The following DPF3 variants were observed in gnomAD, a reference collection of about 807,000 sequenced individuals.
DPF3 encodes zinc finger protein DPF3.
In DPF3, 18 loss-of-function variants were observed where a neutral mutation model predicts 56.8. The ratio of observed to expected loss-of-function variants is 0.32; its 90% CI spans 0.22 to 0.47. The LOEUF (loss-of-function observed/expected upper bound fraction) is 0.47, where lower values mean the gene tolerates loss of function less well. Ranked by LOEUF, DPF3 falls within the 20% of genes least tolerant of loss-of-function variation. The pLI is 1.00. For missense variants in DPF3, 403 were observed against 488.8 expected, an observed-to-expected ratio of 0.82 and a Z score of 1.65; for synonymous variants, 188 against 180.2, an observed-to-expected ratio of 1.04 and a Z score of -0.35.
chr14:72,826,739 G>C (rs1883818630), intron 1 of DPF3, among the ~76,000 whole-genome samples: 2 of 152,052 alleles, frequency 1.3e-5, no homozygotes, highest in Non-Finnish European at 2.9e-5. Flanking sequence ...GGTGGTACTG[G>C]GAACAAGACA....
chr14:72,713,848 C>T lies in DPF3; in HGVS notation c.604+575G>A, dbSNP rs146686523. ...GCACGCCCTAAACTCAGGAGCCAGCCAGGCAGTCGCTTGTCCAAAAGATGT... is the reference window on the plus strand; with the variant it reads ...GCACGCCCTAAACTCAGGAGCCAGCTAGGCAGTCGCTTGTCCAAAAGATGT... On this transcript the variant is annotated intron_variant, in intron 6 of 10. Coordinates refer to ENST00000556509, the MANE Select transcript of DPF3 (RefSeq NM_001280542.3). Among the ~76,000 whole-genome samples, 226 of 152,312 alleles carry T rather than the reference C, an allele frequency of 1.5e-3. 1 individual carries two copies. The highest frequency in any genetic ancestry group is 5.3e-3 in the African/African-American group (219 of 41,566).
chr14:72,839,090 T>C (rs1884443399), intron 1 of DPF3, among the ~76,000 whole-genome samples: 1 of 151,232 alleles, frequency 6.6e-6, no homozygotes, highest in Admixed American at 6.6e-5. Context: ...CCAGCTAATT[T>C]TTGTATTTTT....
intron 1 of DPF3, among the ~76,000 whole-genome samples, chr14:72,887,814 A>T (rs1886606419): frequency 1.3e-5 from 2 of 152,170 alleles, no homozygotes; most frequent in African/African-American, 4.8e-5. Context: ...GGCTACAAAA[A>T]ATCAGCCACT....
chr14:72,853,996 A>G (rs1885084123), intron 1 of DPF3, among the ~76,000 whole-genome samples: 1 of 152,148 alleles, frequency 6.6e-6, no homozygotes, highest in Non-Finnish European at 1.5e-5. Flanking sequence ...CTTGAGAAAC[A>G]CCAGAAAGTC....
chr14:72,885,977 G>A (rs1298975486), intron 1 of DPF3, among the ~76,000 whole-genome samples: 2 of 152,188 alleles, frequency 1.3e-5, no homozygotes, highest in African/African-American at 4.8e-5. Flanking sequence ...CCCTGATATG[G>A]GGTGCTAAGA....
At chr14:72,691,986 C>A (rs547115634) in intron 7 of DPF3, among the ~76,000 whole-genome samples, 1 of 152,046 alleles carries the variant, frequency 6.6e-6, no homozygotes, top group Non-Finnish European at 1.5e-5. Context: ...GGCAATATTA[C>A]GAGGGGAAAG....
At chr14:72,678,519 A>G (rs1449496707) in intron 7 of DPF3, among the ~76,000 whole-genome samples, 2 of 152,252 alleles carry the variant, frequency 1.3e-5, no homozygotes, top group East Asian at 3.8e-4. Flanking sequence ...TTTTTTAAGT[A>G]AAGCTCACAT....
At chr14:72,635,289 G>A (rs562050741) in intron 8 of DPF3, among the ~76,000 whole-genome samples, 30 of 152,298 alleles carry the variant, frequency 2.0e-4, no homozygotes, top group South Asian at 1.0e-3. Context: ...GGGAGTACCC[G>A]GTGTTTCTGA....
chr14:72,651,782 T>C (rs1460505172), intron 8 of DPF3, among the ~76,000 whole-genome samples: 3 of 152,136 alleles, frequency 2.0e-5, no homozygotes, highest in Non-Finnish European at 2.9e-5. Flanking sequence ...CTCCTGACAG[T>C]CTCACAGCCA....
chr14:72,832,313 A>T (rs1884094460), intron 1 of DPF3, among the ~76,000 whole-genome samples: 1 of 152,174 alleles, frequency 6.6e-6, no homozygotes, highest in Non-Finnish European at 1.5e-5. Flanking sequence ...TAAAAAAATC[A>T]CTTGGAAAAG....
At chr14:72,882,924 C>A (rs1312622573) in intron 1 of DPF3, among the ~76,000 whole-genome samples, 2 of 152,188 alleles carry the variant, frequency 1.3e-5, no homozygotes, top group Non-Finnish European at 2.9e-5. Context: ...AAGAAACAGA[C>A]AGATCAGAAG....
rs79048854 is a variant in DPF3 at position 72,751,614 on chromosome 14, T to C, written c.301+1650A>G. ...AATGTGGCTAGTCCAAAAAGAGATG[T>C]GGGGATGTGTAAAATACACAATGGA... is the stretch of plus-strand genomic sequence containing the variant. On this transcript the variant is annotated intron_variant, in intron 3 of 10. Transcript: ENST00000556509. Among the ~76,000 whole-genome samples, 1,350 of 152,222 alleles carry C rather than the reference T, an allele frequency of 8.9e-3. 26 individuals carry two copies. The highest frequency in any genetic ancestry group is 0.031 in the African/African-American group (1,298 of 41,514).
At chr14:72,879,199 C>T (rs1436430781) in intron 1 of DPF3, among the ~76,000 whole-genome samples, 1 of 152,120 alleles carries the variant, frequency 6.6e-6, no homozygotes, top group Non-Finnish European at 1.5e-5. Flanking sequence ...GCCTGGCCAA[C>T]ATGGTGAAAC....
In DPF3 at chr14:72,850,077, C is replaced by T. The variant is rs141687648; in HGVS notation, c.32+43980G>A. ...GAGGTTGCAGTGAGCCGAGATCATA[C>T]CACTGCACTCCTGCCTAGGCGACAG... is the stretch of plus-strand genomic sequence containing the variant. On this transcript the variant is annotated intron_variant, in intron 1 of 10. Transcript: ENST00000556509. 4.5e-3 allele frequency among the ~76,000 whole-genome samples: 688 copies of T among 151,982 alleles called. 4 individuals are homozygous for T. The highest frequency in any genetic ancestry group is 0.016 in the African/African-American group (655 of 41,422).
intron 1 of DPF3, among the ~76,000 whole-genome samples, chr14:72,866,622 C>T (rs1043210913): frequency 2.0e-5 from 3 of 150,190 alleles, no homozygotes; most frequent in Admixed American, 6.6e-5. Flanking sequence ...TTTGGGAGGC[C>T]GAGGAGGGCG....
chr14:72,815,992 T>C (rs1650674721), intron 1 of DPF3, among the ~76,000 whole-genome samples: 1 of 152,190 alleles, frequency 6.6e-6, no homozygotes, highest in East Asian at 1.9e-4. Context: ...GTGTGTAATG[T>C]AACATTTCGA....
chr14:72,794,227 C>T (rs534775100), intron 1 of DPF3, among the ~76,000 whole-genome samples: 1 of 152,290 alleles, frequency 6.6e-6, no homozygotes, highest in African/African-American at 2.4e-5. Context: ...GGTGACCTCA[C>T]TATGGGTGAT....
chr14:72,792,682 A>C (rs2139985699), intron 1 of DPF3, among the ~76,000 whole-genome samples: 1 of 152,016 alleles, frequency 6.6e-6, no homozygotes, highest in East Asian at 1.9e-4. Flanking sequence ...GCCTGCTCCT[A>C]CAGACCATTT....
intron 8 of DPF3, among the ~76,000 whole-genome samples, chr14:72,645,126 G>A (rs1468621420): frequency 6.6e-6 from 1 of 152,180 alleles, no homozygotes; most frequent in Non-Finnish European, 1.5e-5. Context: ...CACATCTTAA[G>A]CAGGTCACTG....
Sources: allele counts gnomAD v4.1 joint callset (sites outside exome capture counted in the v4.1 genomes callset), GRCh38; gene constraint gnomAD v4.1.1; transcripts MANE v1.5; gene names NCBI Gene and HGNC (gene_info 2026-07-23, HGNC 2026-07-21).